Variants in PCMTD1 observed in about 807,000 individuals in gnomAD.
PCMTD1 encodes protein-L-isoaspartate O-methyltransferase domain-containing protein 1.
PCMTD1 carries 12 observed loss-of-function variants against 37.6 expected under a neutral mutation model. The observed-to-expected ratio is 0.32, with a 90% CI of 0.20 to 0.52. PCMTD1 has a LOEUF of 0.52. Among genes scored for constraint, PCMTD1 ranks in the 20% least tolerant of loss-of-function variants. The pLI, the probability that PCMTD1 is intolerant of heterozygous loss-of-function variation, is 0.97. For missense variants in PCMTD1, 235 were observed against 421.3 expected (o/e 0.56, Z 3.87); for synonymous variants, 117 against 135.8 (o/e 0.86, Z 0.96).
intron 1 of PCMTD1, among the ~76,000 whole-genome samples, chr8:51,865,462 G>C (rs2038536805): frequency 6.6e-6 from 1 of 151,952 alleles, no homozygotes; most frequent in Non-Finnish European, 1.5e-5. Flanking sequence ...ACAGAACATT[G>C]AAAGGATCAC....
rs1255841890 is a variant in PCMTD1 at position 51,817,765 on chromosome 8, G to A, written c.*2586C>T. 6 of 441,192 alleles carry A rather than the reference G, an allele frequency of 1.4e-5. No homozygotes were observed. Among genetic ancestry groups the A allele is most frequent in the Non-Finnish European group, 2.3e-5 (5 of 220,672 alleles). 27.3% of individuals were successfully genotyped at this position (441,192 alleles called of 1,614,324 possible). ...TATTAATACTAGAACCAAATATATT[G>A]ACCAATAAGCAGTATAGATTTAAAT... On this transcript the variant is annotated 3_prime_UTR_variant, in exon 6 of 6. Transcript: ENST00000522514.
chr8:51,848,104 AAGAAAGAAAAAAG>A (rs2038249923), intron 2 of PCMTD1, among the ~76,000 whole-genome samples: 1 of 152,282 alleles, frequency 6.6e-6, no homozygotes, highest in Admixed American at 6.5e-5. Flanking sequence ...TAAAAGAAGA[AAGAAAGAAAAAAG>A]AGAAAGAAAA....
chr8:51,892,728 GTTCT>G (rs1162329899), intron 1 of PCMTD1, among the ~76,000 whole-genome samples: 6 of 152,074 alleles, frequency 3.9e-5, no homozygotes, highest in African/African-American at 1.4e-4. Context: ...GAATGAAGTG[GTTCT>G]TTATCTCCTC....
Position 51,842,464 on chromosome 8 carries a change from GGAACC to G in PCMTD1, c.410+3192_410+3196del. On this transcript the variant is annotated intron_variant, in intron 3 of 5. Coordinates refer to ENST00000522514, the MANE Select transcript of PCMTD1 (RefSeq NM_052937.4). The stretch of plus-strand genomic sequence containing the variant: ...CAAGTAGTTGGGAATACAGGTATGT[GGAACC>G]ATACCCAGCTAATTTTTCTAATTTT... Among the ~76,000 whole-genome samples, 2 of 151,884 alleles carry G rather than the reference GGAACC, an allele frequency of 1.3e-5. 1 individual carries two copies.
At chr8:51,830,484 G>A (rs72639734) in intron 5 of PCMTD1, among the ~76,000 whole-genome samples, 7,481 of 152,224 alleles carry the variant, frequency 0.049, 261 homozygotes, top group Non-Finnish European at 0.076. Flanking sequence ...AAGGGAAAAT[G>A]AATTCTTCTT....
intron 3 of PCMTD1, among the ~76,000 whole-genome samples, chr8:51,834,812 A>G (rs183835607): frequency 7.2e-5 from 11 of 152,252 alleles, no homozygotes; most frequent in African/African-American, 2.2e-4. Context: ...AATTTACCAA[A>G]ATATATGCCC....
intron 5 of PCMTD1, 41 bp downstream of exon 5, chr8:51,831,403 A>AT (rs1563337306): frequency 5.6e-6 from 9 of 1,596,166 alleles, no homozygotes; most frequent in Non-Finnish European, 7.7e-6. Flanking sequence ...GCCAAACACC[A>AT]TAAGTCATAA....
chr8:51,845,640 A>T (rs994092971), intron 3 of PCMTD1, 21 bp downstream of exon 3: 2 of 1,562,948 alleles, frequency 1.3e-6, no homozygotes, highest in Non-Finnish European at 1.8e-6. Flanking sequence ...TTAAACCAAA[A>T]CTATAGATAT....
chr8:51,859,056 C>T (rs2038433455), intron 2 of PCMTD1, among the ~76,000 whole-genome samples: 2 of 152,140 alleles, frequency 1.3e-5, no homozygotes, highest in South Asian at 4.1e-4. Context: ...ATGATGCATA[C>T]CTCCCCCATC....
intron 1 of PCMTD1, among the ~76,000 whole-genome samples, chr8:51,882,116 T>C (rs2038800369): frequency 1.3e-5 from 2 of 152,202 alleles, no homozygotes; most frequent in Admixed American, 1.3e-4. Context: ...CCAAATTTAT[T>C]TTCTCAAGCT....
chr8:51,876,425 C>T (rs1046635022), intron 1 of PCMTD1, among the ~76,000 whole-genome samples: 3 of 152,066 alleles, frequency 2.0e-5, no homozygotes. Context: ...CAGAAATACA[C>T]ACATATACAT....
intron 5 of PCMTD1, among the ~76,000 whole-genome samples, chr8:51,823,470 A>G (rs188010606): frequency 6.6e-6 from 1 of 152,322 alleles, no homozygotes; most frequent in East Asian, 1.9e-4. Context: ...GTCTCAAACA[A>G]TTAATAAAAA....
intron 1 of PCMTD1, among the ~76,000 whole-genome samples, chr8:51,882,831 AAAG>A (rs1319606118): frequency 1.3e-5 from 2 of 151,304 alleles, no homozygotes; most frequent in Non-Finnish European, 2.9e-5. Context: ...AAAAAAAAAA[AAAG>A]AAATAAAAAA....
chr8:51,861,290 A>C, intron 1 of PCMTD1, 44 bp from the exon 2 acceptor site: 5 of 1,292,238 alleles, frequency 3.9e-6, no homozygotes, highest in South Asian at 1.8e-5. Flanking sequence ...ATTAATGCTC[A>C]AAAGCAAAAT....
At position 51,817,904 on chromosome 8, in the gene PCMTD1, C is replaced by T. The variant is rs1219216429; in HGVS notation, c.*2447G>A. 7.2e-5 allele frequency: 33 copies of T among 456,668 alleles called. No individual in the cohort carries two copies. The highest frequency in any genetic ancestry group is 1.1e-4 in the Non-Finnish European group (26 of 226,978). The allele number at this position is 456,668 out of a possible 1,614,324, so 28.3% of individuals were successfully genotyped here. On this transcript the variant is annotated 3_prime_UTR_variant, in exon 6 of 6. Coordinates refer to ENST00000522514, the MANE Select transcript of PCMTD1 (RefSeq NM_052937.4). ...TGTATGTTTCAGGCAAAACATGCCA[C>T]GGTTCTAGGTCTGTTTTCTCATCTG...
intron 1 of PCMTD1, among the ~76,000 whole-genome samples, chr8:51,869,965 A>T (rs1563355635): frequency 6.6e-6 from 1 of 152,216 alleles, no homozygotes; most frequent in Non-Finnish European, 1.5e-5. Context: ...TGTGACTTAA[A>T]TCTATTTAGG....
At chr8:51,880,325 T>G (rs1168351966) in intron 1 of PCMTD1, among the ~76,000 whole-genome samples, 1 of 152,144 alleles carries the variant, frequency 6.6e-6, no homozygotes, top group African/African-American at 2.4e-5. Context: ...AATGCAAAAT[T>G]AGAAAGACAA....
chr8:51,897,008 C>G (rs1215141455), intron 1 of PCMTD1, among the ~76,000 whole-genome samples: 1 of 151,674 alleles, frequency 6.6e-6, no homozygotes, highest in Non-Finnish European at 1.5e-5. Context: ...ATATTATTAC[C>G]AAAAATAACT....
chr8:51,858,432 G>A (rs1033687825), intron 2 of PCMTD1, among the ~76,000 whole-genome samples: 1 of 152,204 alleles, frequency 6.6e-6, no homozygotes, highest in African/African-American at 2.4e-5. Context: ...TGGCTGTGAA[G>A]CAGTGGAGCC....
Sources: gnomAD v4.1 joint callset for allele counts (sites outside exome capture counted in the v4.1 genomes callset) on GRCh38, gnomAD v4.1.1 for gene constraint, MANE v1.5 for transcripts, NCBI Gene and HGNC (gene_info 2026-07-23, HGNC 2026-07-21) for gene names.